Variants in SPNS3 observed in about 807,000 individuals in gnomAD.
SPNS3 encodes SPNS lysolipid transporter 3, sphingosine-1-phosphate (putative).
A neutral mutation model predicts 54.4 loss-of-function variants in SPNS3; 51 were observed. That is an observed-to-expected ratio of 0.94 (90% CI 0.75 to 1.18). The LOEUF is 1.18. Ranked by LOEUF, SPNS3 falls within the 50% of genes most tolerant of loss-of-function variation. The probability of loss-of-function intolerance (pLI) is 0.00; values close to 1 mark genes in which losing one functional copy is unlikely to be tolerated. For synonymous variants in SPNS3, 309 were observed against 294.7 expected (o/e 1.05, Z -0.50); for missense variants, 669 against 677.4 (o/e 0.99, Z 0.14).
chr17:4,471,860 A>ATTTTTTTTTTTTTTTT (rs766599416), intron 8 of SPNS3, among the ~76,000 whole-genome samples: 1 of 141,248 alleles, frequency 7.1e-6, no homozygotes. Flanking sequence ...TTTAGGTTGG[A>ATTTTTTTTTTTTTTTT]TTTTTTGTTT....
intron 5 of SPNS3, among the ~76,000 whole-genome samples, chr17:4,447,529 C>A (rs921952353): frequency 1.3e-5 from 2 of 152,176 alleles, no homozygotes; most frequent in African/African-American, 4.8e-5. Context: ...GGAATGCAGG[C>A]TGCGCGCAGA....
At position 4,486,471 on chromosome 17, in the gene SPNS3, G is replaced by A. The variant is rs766907241; in HGVS notation, c.1338G>A (p.Leu446=). Residue 446 remains leucine, a synonymous_variant, in exon 11 of 12, where the codon CTG becomes CTA. Coordinates refer to ENST00000355530, the MANE Select transcript of SPNS3 (RefSeq NM_182538.5). The surrounding 1 kb of genome is among the most constrained non-coding windows in gnomAD (Gnocchi z 5.5). ...PDSYLQRFRS[L]QQSFLCCAFV... is the part of the protein sequence containing the mutation. ...CCTATCTGCAGCGCTTCCGCAGCCT[G>A]CAGCAGAGCTTCCTGTGCTGCGCCT... is the stretch of plus-strand genomic sequence containing the variant. 2 of 1,613,452 alleles carry A rather than the reference G, an allele frequency of 1.2e-6. No homozygotes were observed. Among genetic ancestry groups the A allele is most frequent in the Non-Finnish European group, 1.7e-6 (2 of 1,179,872 alleles).
At chr17:4,464,247 C>A (rs1055582907) in intron 8 of SPNS3, among the ~76,000 whole-genome samples, 11 of 152,216 alleles carry the variant, frequency 7.2e-5, no homozygotes, top group African/African-American at 2.4e-4. Flanking sequence ...GACTTCTCGG[C>A]TGTTAATTAG....
At chr17:4,476,077 AC>A (rs1971989323) in intron 8 of SPNS3, among the ~76,000 whole-genome samples, 1 of 152,040 alleles carries the variant, frequency 6.6e-6, no homozygotes, top group South Asian at 2.1e-4. Flanking sequence ...GCGCCCGTCC[AC>A]CCCAGGAGGT....
chr17:4,446,644 A>G, intron 4 of SPNS3: 1 of 578,470 alleles, frequency 1.7e-6, no homozygotes. Flanking sequence ...AGGAGGGTGT[A>G]GGGTATGTGT....
chr17:4,436,886 G>A (rs1317719767), intron 1 of SPNS3, among the ~76,000 whole-genome samples: 1 of 152,224 alleles, frequency 6.6e-6, no homozygotes, highest in Admixed American at 6.5e-5. Flanking sequence ...GGGGCAAGAG[G>A]TGGATGGGAG....
Position 4,473,514 on chromosome 17 carries a change from A to C in SPNS3, c.1114-5058A>C, listed in dbSNP as rs184585811. ...GTGATTCTTGTGCTTTAGCCACCCG[A>C]GTAGCTGGGATTACAGGCACCCGCC... On this transcript the variant is annotated intron_variant, in intron 8 of 11. Coordinates refer to ENST00000355530, the MANE Select transcript of SPNS3 (RefSeq NM_182538.5). Among the ~76,000 whole-genome samples the C allele has an allele frequency of 2.6e-4, 40 of 151,408 alleles. No individual in the cohort carries two copies. The East Asian group carries it at 7.2e-3, about 27-fold the overall frequency.
intron 9 of SPNS3, among the ~76,000 whole-genome samples, chr17:4,479,913 G>C (rs1972109361): frequency 6.6e-6 from 1 of 152,236 alleles, no homozygotes. Flanking sequence ...CACAGAGAAT[G>C]CTGGCTAGGA....
chr17:4,446,979 T>A lies in SPNS3; in HGVS notation c.621+17T>A. Reference sequence around the variant, plus strand: ...GCCCTCCGAGTGAGTCCAGCTTCCTTTTCTTCCCTCTGCTTTCCCTCTGGA... The same window carrying A: ...GCCCTCCGAGTGAGTCCAGCTTCCTATTCTTCCCTCTGCTTTCCCTCTGGA... On this transcript the variant is annotated intron_variant, in intron 5 of 11. Coordinates refer to ENST00000355530, the MANE Select transcript of SPNS3 (RefSeq NM_182538.5). The A allele has an allele frequency of 6.2e-7, 1 of 1,613,910 alleles. No homozygotes were observed. The highest frequency in any genetic ancestry group is 1.7e-5 in the Admixed American group (1 of 60,008).
intron 8 of SPNS3, among the ~76,000 whole-genome samples, chr17:4,463,568 C>G (rs1971597552): frequency 6.6e-6 from 1 of 151,526 alleles, no homozygotes; most frequent in South Asian, 2.1e-4. Flanking sequence ...GCCCCTGTCC[C>G]CACTAAAAAT....
intron 5 of SPNS3, 94 bp from the exon 6 acceptor site, chr17:4,448,061 A>T (rs1971044889): frequency 7.8e-7 from 1 of 1,283,490 alleles, no homozygotes. Context: ...ACCAGAGGTC[A>T]GCCACTGGCT....
At chr17:4,442,504 G>C (rs374327205) in intron 2 of SPNS3, among the ~76,000 whole-genome samples, 72 of 151,702 alleles carry the variant, frequency 4.7e-4, no homozygotes, top group African/African-American at 1.7e-3. Context: ...CTGCACTCCA[G>C]ACTGGGCCAC....
intron 9 of SPNS3, 43 bp downstream of exon 9, chr17:4,478,680 G>A (rs1208161275): frequency 6.4e-7 from 1 of 1,556,132 alleles, no homozygotes; most frequent in Non-Finnish European, 8.7e-7. Context: ...AGGGGGAGCT[G>A]GAGAGGATTG....
intron 8 of SPNS3, among the ~76,000 whole-genome samples, chr17:4,460,323 T>C (rs749309974): frequency 3.3e-5 from 5 of 152,206 alleles, no homozygotes; most frequent in Non-Finnish European, 5.9e-5. Context: ...TTATTCAATT[T>C]CTACAGTTTA....
Position 4,453,321 on chromosome 17 carries a change from A to G in SPNS3, c.1113+116A>G, listed in dbSNP as rs1388049094. ...ACAATTATGTTGATCACTCCTTCTG[A>G]GTAGAGCTTGTTATCCCCATTTTAC... On this transcript the variant is annotated intron_variant, in intron 8 of 11. Transcript: ENST00000355530. The G allele has an allele frequency of 5.0e-6, 5 of 991,704 alleles. No individual in the cohort carries two copies. In the African/African-American group the frequency reaches 8.1e-5, roughly 16 times the overall value. The allele number at this position is 991,704 out of a possible 1,614,324, so 61.4% of individuals were successfully genotyped here.
At position 4,439,704 on chromosome 17, in the gene SPNS3, T is replaced by A. The variant is rs143373312; in HGVS notation, c.246T>A (p.His82Gln). Reference sequence around the variant, plus strand: ...AGGTTTTCCAGATCAGTGACAACCATGCTGGTTTGCTTCAGACTGGTAAGG... The same window carrying A: ...AGGTTTTCCAGATCAGTGACAACCAAGCTGGTTTGCTTCAGACTGGTAAGG... ...IQEVFQISDN[H>Q]AGLLQTVFVS... is the part of the protein sequence containing the mutation. Residue 82 changes from histidine to glutamine, a missense_variant, in exon 2 of 12, where the codon CAT becomes CAA. His to Gln is a conservative substitution (Grantham distance 24, BLOSUM62 0). Transcript: ENST00000355530. 4 of 1,613,016 alleles carry A rather than the reference T, an allele frequency of 2.5e-6. No homozygotes were observed. The highest frequency in any genetic ancestry group is 1.3e-5 in the African/African-American group (1 of 75,034).
Position 4,468,747 on chromosome 17 carries a change from T to TTCTTTCTTTCTTTCTTTCTTTC in SPNS3, c.1114-9810_1114-9809insTTCTTTCTCTTTCTTTCTTTCT, listed in dbSNP as rs1567570034. ...TTTCTTTCTTTCTTTCTTTCTTTCTTTCTTTCTTTCTTTCTCTCTTTCTTT... is the reference window on the plus strand; with the variant it reads ...TTTCTTTCTTTCTTTCTTTCTTTCTTTCTTTCTTTCTTTCTTTCTTTCTCTTTCTTTCTTTCTCTCTTTCTTT... On this transcript the variant is annotated intron_variant, in intron 8 of 11. Transcript: ENST00000355530. Among the ~76,000 whole-genome samples the TTCTTTCTTTCTTTCTTTCTTTC allele has an allele frequency of 2.1e-5, 3 of 142,970 alleles. No homozygotes were observed. In the East Asian group the frequency reaches 5.9e-4, roughly 28 times the overall value. The allele number at this position is 142,970 out of a possible 152,430, so 93.8% of individuals were successfully genotyped here. A position where few individuals can be genotyped will look rare whatever the true frequency, so the allele number is the denominator to read the frequency against.
chr17:4,439,368 C>T (rs897337875), intron 1 of SPNS3, among the ~76,000 whole-genome samples: 9 of 152,178 alleles, frequency 5.9e-5, no homozygotes, highest in Admixed American at 3.3e-4. Flanking sequence ...TCAGGTGATC[C>T]GCCAGCCTTG....
intron 2 of SPNS3, among the ~76,000 whole-genome samples, chr17:4,443,452 A>G (rs555453033): frequency 6.6e-6 from 1 of 152,376 alleles, no homozygotes; most frequent in African/African-American, 2.4e-5. Flanking sequence ...CAGAAGGTTA[A>G]TAAATTTGAC....
Sources: gnomAD v4.1 joint callset for allele counts (sites outside exome capture counted in the v4.1 genomes callset) on GRCh38, gnomAD v4.1.1 for gene constraint, Gnocchi (gnomAD v3.1) non-coding constraint, MANE v1.5 for transcripts, NCBI Gene and HGNC (gene_info 2026-07-23, HGNC 2026-07-21) for gene names.